Variants in OTUD7B observed in about 807,000 individuals in gnomAD.
The protein encoded by OTUD7B is OTU domain-containing protein 7B.
A neutral mutation model predicts 82.2 loss-of-function variants in OTUD7B; 34 were observed. That is an observed-to-expected ratio of 0.41 (90% confidence interval 0.31 to 0.55). The LOEUF is 0.55. Ranked by LOEUF, OTUD7B falls within the 20% of genes least tolerant of loss-of-function variation. OTUD7B has a pLI of 0.20. For missense variants in OTUD7B, 944 were observed against 1,062.1 expected (o/e 0.89, Z 1.55); for synonymous variants, 398 against 402.7 (o/e 0.99, Z 0.14).
At chr1:150,027,438 T>C in the OTUD7B span, among the ~76,000 whole-genome samples, 1 of 151,918 alleles carries the variant, frequency 6.6e-6, no homozygotes, top group Non-Finnish European at 1.5e-5. Context: ...CTACAAAAAA[T>C]TAGCTGGGCA....
chr1:149,999,652 C>G (rs1372401707), intron 1 of OTUD7B, among the ~76,000 whole-genome samples: 2 of 152,238 alleles, frequency 1.3e-5, no homozygotes, highest in Non-Finnish European at 2.9e-5. Context: ...TGGCTTGAGC[C>G]CAGGAGTTCA....
At chr1:149,983,152 G>A (rs782623862) in intron 1 of OTUD7B, among the ~76,000 whole-genome samples, 3 of 152,100 alleles carry the variant, frequency 2.0e-5, no homozygotes, top group Non-Finnish European at 4.4e-5. Context: ...ACTGCGCCCG[G>A]CCTCCTCTGT....
At chr1:149,997,541 G>A (rs989330540) in intron 1 of OTUD7B, among the ~76,000 whole-genome samples, 1 of 152,164 alleles carries the variant, frequency 6.6e-6, no homozygotes. Context: ...TGCAGGGAGA[G>A]TGGGGGGACA....
intron 1 of OTUD7B, among the ~76,000 whole-genome samples, chr1:149,987,612 C>T (rs1651243237): frequency 1.3e-5 from 2 of 152,168 alleles, no homozygotes. Flanking sequence ...TTTCCATACA[C>T]TCTCACTCCA....
intron 9 of OTUD7B, 133 bp from the exon 10 acceptor site, chr1:149,949,216 C>T: frequency 1.6e-6 from 1 of 627,766 alleles, no homozygotes; most frequent in African/African-American, 1.8e-5. Flanking sequence ...GTGAATTACC[C>T]CGGTATTAAA....
In OTUD7B at chr1:149,992,676, T is replaced by C. The variant is rs144298737; in HGVS notation, c.-66-15100A>G. ...TCATAAAGACGGGGTTTGGCCATGT[T>C]GGCCAGGCTGGTCTCAAACTCCTGG... On this transcript the variant is annotated intron_variant, in intron 1 of 11. Transcript: ENST00000581312. 3.9e-4 allele frequency among the ~76,000 whole-genome samples: 59 copies of C among 152,054 alleles called. 1 individual carries two copies. In the East Asian group the frequency reaches 0.01, roughly 27 times the overall value.
the OTUD7B span, among the ~76,000 whole-genome samples, chr1:150,048,985 A>G: frequency 6.6e-6 from 1 of 151,906 alleles, no homozygotes; most frequent in Admixed American, 6.6e-5. Context: ...GGCGCCCGCC[A>G]CCACACTCGG....
intron 3 of OTUD7B, among the ~76,000 whole-genome samples, chr1:149,969,864 G>C (rs901466464): frequency 1.3e-5 from 2 of 152,142 alleles, no homozygotes; most frequent in East Asian, 1.9e-4. Context: ...ACCATGCCCA[G>C]CTAATTTTTG....
chr1:150,027,522 G>A, the OTUD7B span, among the ~76,000 whole-genome samples: 6 of 152,156 alleles, frequency 3.9e-5, no homozygotes, highest in Admixed American at 2.0e-4. Flanking sequence ...AGAAGGCAGA[G>A]GCTACACTGA....
chr1:150,020,228 A>G, the OTUD7B span, among the ~76,000 whole-genome samples: 1 of 151,576 alleles, frequency 6.6e-6, no homozygotes, highest in Admixed American at 6.6e-5. Flanking sequence ...ACTGCCTCCT[A>G]ATAGAATTGG....
At chr1:149,985,998 T>C (rs1322917833) in intron 1 of OTUD7B, among the ~76,000 whole-genome samples, 1 of 152,158 alleles carries the variant, frequency 6.6e-6, no homozygotes, top group Admixed American at 6.5e-5. Flanking sequence ...AAAAGTTCTC[T>C]GACTTCCTAA....
chr1:149,953,221 T>C (rs1648397421), intron 7 of OTUD7B, among the ~76,000 whole-genome samples: 1 of 152,232 alleles, frequency 6.6e-6, no homozygotes, highest in Admixed American at 6.5e-5. Context: ...AGTTAACTTT[T>C]TTATAAGGTG....
At chr1:150,059,803 A>C in the OTUD7B span, among the ~76,000 whole-genome samples, 7 of 152,334 alleles carry the variant, frequency 4.6e-5, 1 homozygote, top group South Asian at 1.5e-3. Context: ...GAAAAAAAGA[A>C]AGAAAAATTA....
At chr1:150,041,582 C>T in the OTUD7B span, among the ~76,000 whole-genome samples, 1 of 152,222 alleles carries the variant, frequency 6.6e-6, no homozygotes, top group African/African-American at 2.4e-5. Flanking sequence ...GATCCACCCA[C>T]CTCGGCCTCC....
At chr1:149,980,955 T>TC in intron 1 of OTUD7B, among the ~76,000 whole-genome samples, 1 of 145,752 alleles carries the variant, frequency 6.9e-6, no homozygotes, top group East Asian at 2.0e-4. Context: ...CAAGGCTATA[T>TC]AGTGTGCGAC....
chr1:150,039,409 G>A, the OTUD7B span, among the ~76,000 whole-genome samples: 2,458 of 149,534 alleles, frequency 0.016, 56 homozygotes, highest in African/African-American at 0.058. Flanking sequence ...ACGGATTCTC[G>A]CTCTGTCACC....
chr1:150,067,301 G>GA, the OTUD7B span: 5 of 152,716 alleles, frequency 3.3e-5, no homozygotes, highest in Non-Finnish European at 5.8e-5. Context: ...CCGGGAAGAC[G>GA]AATCTCGACC....
intron 2 of OTUD7B, among the ~76,000 whole-genome samples, chr1:149,974,353 A>T (rs1188710312): frequency 2.6e-5 from 4 of 152,056 alleles, no homozygotes; most frequent in Non-Finnish European, 5.9e-5. Context: ...TAACTGTTTT[A>T]ATCATTTCTT....
In OTUD7B at chr1:149,938,136, G is replaced by A. The variant is rs1200971506; in HGVS notation, c.*5721C>T. Reference sequence around the variant, plus strand: ...ATTCCATGGGCCTCAACCTCTTGGGGGAAGAAAATATTTCCCAAGGTCTGT... The same window carrying A: ...ATTCCATGGGCCTCAACCTCTTGGGAGAAGAAAATATTTCCCAAGGTCTGT... On this transcript the variant is annotated 3_prime_UTR_variant, in exon 12 of 12. Transcript: ENST00000581312. 6.6e-6 allele frequency: 1 copy of A among 152,192 alleles called. No individual in the cohort carries two copies. Among genetic ancestry groups the A allele is most frequent in the Non-Finnish European group, 1.5e-5 (1 of 68,094 alleles). The allele number at this position is 152,192 out of a possible 1,614,324, so 9.4% of individuals were successfully genotyped here. A position where few individuals can be genotyped will look rare whatever the true frequency, so the allele number is the denominator to read the frequency against.
Sources: allele counts gnomAD v4.1 joint callset (sites outside exome capture counted in the v4.1 genomes callset), GRCh38; gene constraint gnomAD v4.1.1; transcripts MANE v1.5; gene names NCBI Gene and HGNC (gene_info 2026-07-23, HGNC 2026-07-21).